SLC2A7: variants seen among roughly 807,000 people sequenced by gnomAD.
The protein encoded by SLC2A7 is solute carrier family 2 member 7.
A neutral mutation model predicts 50.5 loss-of-function variants in SLC2A7; 50 were observed. That is an observed-to-expected ratio of 0.99 (90% CI 0.79 to 1.25). SLC2A7 has a LOEUF of 1.25. Among genes scored for constraint, SLC2A7 ranks in the 50% most tolerant of loss-of-function variants. SLC2A7 has a pLI of 0.00. For missense variants in SLC2A7, 683 were observed against 679.1 expected, an observed-to-expected ratio of 1.01 and a Z score of -0.06; for synonymous variants, 308 against 300.4, an observed-to-expected ratio of 1.03 and a Z score of -0.26.
chr1:9,011,977 T>G (rs1055668445), intron 8 of SLC2A7, among the ~76,000 whole-genome samples: 2 of 152,004 alleles, frequency 1.3e-5, no homozygotes, highest in Admixed American at 1.3e-4. Flanking sequence ...CTCGAACTCC[T>G]GACGTCAGGT....
At chr1:9,009,023 G>C (rs12060786) in intron 9 of SLC2A7, among the ~76,000 whole-genome samples, 42,569 of 152,078 alleles carry the variant, frequency 0.28, 6,013 homozygotes, top group Non-Finnish European at 0.29. Flanking sequence ...TGGCCTCCTG[G>C]TCATTCCCTG....
At chr1:9,000,088 G>A (rs980413389), downstream of SLC2A7, among the ~76,000 whole-genome samples, 21 of 152,260 alleles carry the variant, frequency 1.4e-4, 1 homozygote, top group African/African-American at 5.1e-4. Context: ...GGACCGAATT[G>A]GTGAAAAATG....
chr1:9,005,677 G>A lies in SLC2A7; in HGVS notation c.1193-798C>T, dbSNP rs544334092. ...AAAAATTAGTCCGGCATGGTGGCGT[G>A]TGCCTGTAGTCCCAGCTACTCAGGA... On this transcript the variant is annotated intron_variant, in intron 10 of 11. Transcript: ENST00000400906. Among the ~76,000 whole-genome samples the A allele has an allele frequency of 3.3e-5, 5 of 151,334 alleles. No individual in the cohort carries two copies. The South Asian group carries it at 1.0e-3, about 32-fold the overall frequency.
intron 2 of SLC2A7, among the ~76,000 whole-genome samples, 192 bp downstream of exon 2, chr1:9,024,784 A>G (rs1242116281): frequency 6.6e-6 from 1 of 152,026 alleles, no homozygotes. Flanking sequence ...CCAGGGGGAA[A>G]CACCTCCTGC....
intron 4 of SLC2A7, among the ~76,000 whole-genome samples, chr1:9,018,833 T>G (rs1002349478): frequency 7.0e-6 from 1 of 142,224 alleles, no homozygotes; most frequent in Middle Eastern, 3.5e-3. Flanking sequence ...TGGTTATTTG[T>G]ACTTCAAGGT....
At chr1:9,010,412 G>A (rs540677404) in intron 8 of SLC2A7, among the ~76,000 whole-genome samples, 168 bp from the exon 9 acceptor site, 11 of 151,980 alleles carry the variant, frequency 7.2e-5, no homozygotes, top group Non-Finnish European at 1.5e-4. Flanking sequence ...AGGCTGGAGT[G>A]CAGTGGTGCG....
rs757428549 is a variant in SLC2A7 at position 9,019,204 on chromosome 1, G to A, written c.436+5C>T. The A allele has an allele frequency of 6.2e-6, 10 of 1,612,992 alleles. No individual in the cohort carries two copies. Among genetic ancestry groups the A allele is most frequent in the Non-Finnish European group, 8.5e-6 (10 of 1,179,486 alleles). On this transcript the variant is annotated splice_donor_5th_base_variant and intron_variant, in intron 4 of 11. Coordinates refer to ENST00000400906, the MANE Select transcript of SLC2A7 (RefSeq NM_207420.3). ...AGGCTGAGCCGGAGCCTGGGCCCCA[G>A]GTACCTGCACAGACTCCCAGCACCA...
At chr1:9,012,629 A>G (rs1354530405) in intron 8 of SLC2A7, among the ~76,000 whole-genome samples, 1 of 152,248 alleles carries the variant, frequency 6.6e-6, no homozygotes, top group Non-Finnish European at 1.5e-5. Context: ...GTTTACCATC[A>G]CTGGCAACTC....
intron 4 of SLC2A7, 68 bp from the exon 5 acceptor site, chr1:9,018,443 TCCGTTTCCTAATC>T: frequency 2.5e-6 from 4 of 1,587,756 alleles, no homozygotes; most frequent in Non-Finnish European, 3.4e-6. Flanking sequence ...GCAATTCAAT[TCCGTTTCCTAATC>T]CCGGGGCTTC....
chr1:9,023,464 G>A (rs1045694344), intron 2 of SLC2A7, among the ~76,000 whole-genome samples: 1 of 152,084 alleles, frequency 6.6e-6, no homozygotes, highest in East Asian at 1.9e-4. Context: ...AAAATTAGCT[G>A]GGCGTGGTGG....
At chr1:9,018,484 T>G (rs1426988341) in intron 4 of SLC2A7, 109 bp from the exon 5 acceptor site, 2 of 1,447,578 alleles carry the variant, frequency 1.4e-6, no homozygotes, top group African/African-American at 2.8e-5. Context: ...TGTCAGCCCC[T>G]CCGTGGAGAT....
intron 3 of SLC2A7, among the ~76,000 whole-genome samples, chr1:9,019,900 A>G (rs551434463): frequency 6.6e-6 from 1 of 152,194 alleles, no homozygotes; most frequent in East Asian, 1.9e-4. Flanking sequence ...CTCCATCCAG[A>G]GCCACAGAGC....
intron 2 of SLC2A7, among the ~76,000 whole-genome samples, chr1:9,023,835 CTTCTTTTTTTTTTTTT>C (rs1227705321): frequency 0.35 from 23,037 of 64,944 alleles, 4,226 homozygotes; most frequent in Non-Finnish European, 0.41. Flanking sequence ...AAATATTCTT[CTTCTTTTTTTTTTTTT>C]TTTTTTTTTT....
At chr1:9,014,928 C>T (rs1253140686) in intron 6 of SLC2A7, 60 bp from the exon 7 acceptor site, 1 of 1,520,398 alleles carries the variant, frequency 6.6e-7, no homozygotes, top group African/African-American at 1.4e-5. Flanking sequence ...GGCCCCAAGC[C>T]CCCATGCTGG....
chr1:9,020,745 C>T (rs1367851565), intron 3 of SLC2A7, among the ~76,000 whole-genome samples: 1 of 148,248 alleles, frequency 6.7e-6, no homozygotes, highest in African/African-American at 2.5e-5. Context: ...GATCTTGGCT[C>T]ACTGAAACCT....
chr1:9,009,648 G>A (rs980383567), intron 9 of SLC2A7, among the ~76,000 whole-genome samples: 6 of 152,084 alleles, frequency 3.9e-5, no homozygotes, highest in Admixed American at 1.3e-4. Flanking sequence ...TGTAGAGATG[G>A]GGTCTCACCA....
At position 9,018,296 on chromosome 1, in the gene SLC2A7, G is replaced by C; in HGVS notation, c.516C>G (p.Thr172=). The part of the protein sequence containing the change: ...KNLRGMVGTM[T]EVFVIVGVFL... ...AGACTCCAACGATGACGAAAACCTC[G>C]GTCATTGTTCCCACCATGCCTCTCA... is the stretch of plus-strand genomic sequence containing the variant. Residue 172 remains threonine, a synonymous_variant, in exon 5 of 12, where the codon ACC becomes ACG. Coordinates refer to ENST00000400906, the MANE Select transcript of SLC2A7 (RefSeq NM_207420.3). The C allele has an allele frequency of 6.2e-7, 1 of 1,614,134 alleles. No individual in the cohort carries two copies. Among genetic ancestry groups the C allele is most frequent in the Non-Finnish European group, 8.5e-7 (1 of 1,180,032 alleles).
rs746026037 is a variant in SLC2A7, at chr1:9,023,058, G to C, written c.171C>G (p.Asn57Lys). The C allele has an allele frequency of 9.3e-6, 15 of 1,613,732 alleles. No homozygotes were observed. Among genetic ancestry groups the C allele is most frequent in the Admixed American group, 1.7e-5 (1 of 59,978 alleles). Residue 57 changes from asparagine to lysine, a missense_variant, in exon 3 of 12, where the codon AAC (asparagine) becomes AAG (lysine). By Grantham distance (94) the Asn-to-Lys change is moderately conservative (BLOSUM62 0). Coordinates refer to ENST00000400906, the MANE Select transcript of SLC2A7 (RefSeq NM_207420.3). ...TPHKVFKSFYNETYFERHATF... is the reference protein window; with the variant it reads ...TPHKVFKSFYKETYFERHATF... Reference sequence around the variant, plus strand: ...TTGCGTGTCGCTCAAAGTAGGTTTCGTTGTAAAATGACTTGAAGACCTGGA... The same window carrying C: ...TTGCGTGTCGCTCAAAGTAGGTTTCCTTGTAAAATGACTTGAAGACCTGGA...
chr1:9,014,850 C>A lies in SLC2A7; in HGVS notation c.734G>T (p.Gly245Val). Residue 245 changes from glycine (G) to valine (V), a missense_variant, in exon 7 of 12, where the codon GGC becomes GTC. By Grantham distance (109) the Gly-to-Val change is moderately radical. Transcript: ENST00000400906. ...TARQALRRLR[G>V]HTDMEAELED... ...CAGCTCGGCCTCCATGTCCGTGTGG[C>A]CTCTCAGCCTCCTCAGAGCTGCGGA... The A allele has an allele frequency of 6.2e-7, 1 of 1,602,308 alleles. No homozygotes were observed. Among genetic ancestry groups the A allele is most frequent in the Non-Finnish European group, 8.5e-7 (1 of 1,175,306 alleles).
Sources: allele counts gnomAD v4.1 joint callset (sites outside exome capture counted in the v4.1 genomes callset), GRCh38; gene constraint gnomAD v4.1.1; transcripts MANE v1.5; gene names NCBI Gene and HGNC (gene_info 2026-07-23, HGNC 2026-07-21).